The following INTS8 variants were observed in gnomAD, a reference collection of about 807,000 sequenced individuals.
INTS8 encodes protein kaonashi-1.
Under a neutral mutation model 138.9 loss-of-function variants are expected in INTS8, and 47 were observed. That is an observed-to-expected ratio of 0.34 (90% CI 0.27 to 0.43). INTS8 has a LOEUF of 0.43. Ranked by LOEUF, INTS8 falls within the 20% of genes least tolerant of loss-of-function variation. The probability of loss-of-function intolerance (pLI) is 1.00; values close to 1 mark genes in which losing one functional copy is unlikely to be tolerated. For synonymous variants in INTS8, 392 were observed against 400.9 expected, an observed-to-expected ratio of 0.98 and a Z score of 0.27; for missense variants, 996 against 1,173.0, an observed-to-expected ratio of 0.85 and a Z score of 2.20.
At chr8:94,864,044 G>A (rs1190147080) in intron 16 of INTS8, among the ~76,000 whole-genome samples, 2 of 152,306 alleles carry the variant, frequency 1.3e-5, no homozygotes, top group Admixed American at 6.5e-5. Context: ...GAAGATGTAT[G>A]TGGAAGTATT....
At chr8:94,824,113 A>G (rs900446568) in intron 1 of INTS8, among the ~76,000 whole-genome samples, 1 of 152,246 alleles carries the variant, frequency 6.6e-6, no homozygotes, top group Non-Finnish European at 1.5e-5. Flanking sequence ...ATGGCTTTGT[A>G]TAGTGATGAT....
intron 20 of INTS8, among the ~76,000 whole-genome samples, chr8:94,869,058 C>G (rs1816290453): frequency 1.3e-5 from 2 of 150,150 alleles, no homozygotes; most frequent in Non-Finnish European, 2.9e-5. Context: ...TCTCGGCTCT[C>G]CACAACCTCT....
chr8:94,869,977 T>G (rs1048128800), intron 20 of INTS8, among the ~76,000 whole-genome samples: 2 of 152,188 alleles, frequency 1.3e-5, no homozygotes, highest in Non-Finnish European at 2.9e-5. Flanking sequence ...AATAAGTTGG[T>G]TTCTGTGCCA....
In INTS8 at chr8:94,855,668, C is replaced by T. The variant is rs1482778250; in HGVS notation, c.1753-1109C>T. ...TTAAAGGTGTTAAATTGTCCAAGGG[C>T]ACACAGCTAGTAAGTGTCACAAGTG... On this transcript the variant is annotated intron_variant, in intron 14 of 26. Coordinates refer to ENST00000523731, the MANE Select transcript of INTS8 (RefSeq NM_017864.4). Among the ~76,000 whole-genome samples the T allele has an allele frequency of 2.0e-5, 3 of 152,240 alleles. 1 individual carries two copies. Among genetic ancestry groups the T allele is most frequent in the African/African-American group, 7.2e-5 (3 of 41,532 alleles).
chr8:94,846,727 G>A (rs967959151), intron 10 of INTS8, among the ~76,000 whole-genome samples: 4 of 152,168 alleles, frequency 2.6e-5, no homozygotes, highest in African/African-American at 9.7e-5. Context: ...GGTTTTTCTT[G>A]TTGCTATTCC....
chr8:94,853,908 C>T lies in INTS8; in HGVS notation c.1745C>T (p.Thr582Ile). ...ILMAKGLHCS[T>I]VKDFSHAKQL... is the part of the protein sequence containing the mutation. ...ATGGCCAAAGGTTTGCACTGCAGTA[C>T]TGTTAAGGTGAGTAAAAGTGTGTAT... The change falls in exon 14 of 27, where the codon ACT becomes ATT. Residue 582 changes from threonine (T) to isoleucine (I), a missense_variant. By Grantham distance (89) the Thr-to-Ile change is moderately conservative. Coordinates refer to ENST00000523731, the MANE Select transcript of INTS8 (RefSeq NM_017864.4). The T allele has an allele frequency of 1.3e-6, 2 of 1,562,854 alleles. No individual in the cohort carries two copies. Among genetic ancestry groups the T allele is most frequent in the East Asian group, 4.5e-5 (2 of 44,632 alleles).
chr8:94,857,191 G>T (rs912755409), intron 15 of INTS8, among the ~76,000 whole-genome samples: 3 of 150,456 alleles, frequency 2.0e-5, no homozygotes, highest in Admixed American at 6.7e-5. Flanking sequence ...TCCTGCCTCA[G>T]CCTCCTCAGT....
At chr8:94,825,982 C>T (rs1362733236) in intron 2 of INTS8, among the ~76,000 whole-genome samples, 2 of 151,878 alleles carry the variant, frequency 1.3e-5, no homozygotes, top group African/African-American at 4.8e-5. Context: ...GAGAGAATTC[C>T]GTTGTATGGG....
chr8:94,873,899 C>G (rs1376072473), intron 22 of INTS8: 1 of 159,096 alleles, frequency 6.3e-6, no homozygotes, highest in Non-Finnish European at 1.4e-5. Flanking sequence ...CCAGTTAGCT[C>G]TCACATCTTG....
intron 6 of INTS8, among the ~76,000 whole-genome samples, chr8:94,832,396 T>A (rs1301315090): frequency 1.3e-5 from 2 of 152,212 alleles, no homozygotes; most frequent in African/African-American, 4.8e-5. Context: ...AGTTTCCGGA[T>A]TGTATTTAGG....
Position 94,851,585 on chromosome 8 carries a change from C to A in INTS8, c.1540C>A (p.His514Asn). ...AAGTGTCAACATTGGTCAGTTAGAG[C>A]ATCAACTTATATTGTCAGTGGATCC... ...SASVNIGQLE[H>N]QLILSVDPWR... The change falls in exon 13 of 27, where the codon CAT (histidine) becomes AAT (asparagine). Residue 514 changes from histidine (H) to asparagine (N), a missense_variant. By Grantham distance (68) the His-to-Asn change is moderately conservative. Transcript: ENST00000523731. The A allele has an allele frequency of 6.3e-7, 1 of 1,593,816 alleles. No homozygotes were observed. Among genetic ancestry groups the A allele is most frequent in the Non-Finnish European group, 8.5e-7 (1 of 1,172,230 alleles).
rs931150349 is a variant in INTS8, at chr8:94,823,424, G to C, written c.-8G>C. On this transcript the variant is annotated 5_prime_UTR_variant, in exon 1 of 27. Transcript: ENST00000523731. Reference sequence around the variant, plus strand: ...AGCGGCCCTGGTGGTAGCGGCGGCGGGGGCAGGATGAGCGCGGAGGCGGCG... The same window carrying C: ...AGCGGCCCTGGTGGTAGCGGCGGCGCGGGCAGGATGAGCGCGGAGGCGGCG... The C allele has an allele frequency of 6.6e-7, 1 of 1,520,324 alleles. No homozygotes were observed. Among genetic ancestry groups the C allele is most frequent in the African/African-American group, 1.4e-5 (1 of 72,092 alleles). 94.2% of individuals were successfully genotyped at this position (1,520,324 alleles called of 1,614,324 possible).
At position 94,866,222 on chromosome 8, in the gene INTS8, T is replaced by C. The variant is rs377511670; in HGVS notation, c.2295+31T>C. 4 of 1,122,320 alleles carry C rather than the reference T, an allele frequency of 3.6e-6. No individual in the cohort carries two copies. In the African/African-American group the frequency reaches 6.2e-5, roughly 17 times the overall value. The allele number at this position is 1,122,320 out of a possible 1,614,324, so 69.5% of individuals were successfully genotyped here. A position where few individuals can be genotyped will look rare whatever the true frequency, so the allele number is the denominator to read the frequency against. On this transcript the variant is annotated intron_variant, in intron 18 of 26. Coordinates refer to ENST00000523731, the MANE Select transcript of INTS8 (RefSeq NM_017864.4). ...TTTTATTAAAAATTGCTCTAATTAC[T>C]ATTGCTGGTTTTTGTAGAATATGAC...
chr8:94,858,285 G>A (rs1473368667), intron 15 of INTS8, among the ~76,000 whole-genome samples: 2 of 152,188 alleles, frequency 1.3e-5, no homozygotes, highest in Non-Finnish European at 2.9e-5. Context: ...AGTCCTATGG[G>A]TTAATTTAAT....
At position 94,867,504 on chromosome 8, in the gene INTS8, GTGGATA is replaced by G. The variant is rs1212052210; in HGVS notation, c.2414+168_2414+173del. 1.6e-5 allele frequency: 8 copies of G among 506,736 alleles called. No individual in the cohort carries two copies. In the African/African-American group the frequency reaches 1.7e-4, roughly 10 times the overall value. The allele number at this position is 506,736 out of a possible 1,614,324, so 31.4% of individuals were successfully genotyped here. ...AATGATAATTATCTTCCTGTAAATT[GTGGATA>G]AGGCATAACCCTTTTTTTTTTTTTT... On this transcript the variant is annotated intron_variant, in intron 20 of 26. Coordinates refer to ENST00000523731, the MANE Select transcript of INTS8 (RefSeq NM_017864.4).
rs767223563 is a variant in INTS8 at position 94,849,464 on chromosome 8, A to G, written c.1263A>G (p.Val421=). The G allele has an allele frequency of 3.4e-6, 5 of 1,479,830 alleles. No homozygotes were observed. Among genetic ancestry groups the G allele is most frequent in the Admixed American group, 4.0e-5 (2 of 50,158 alleles). The allele number at this position is 1,479,830 out of a possible 1,614,324, so 91.7% of individuals were successfully genotyped here. ...ATGAAAATTACTCAAATTCCTAGGTATGTTCAAGATCAGTAAATTTAGAAA... is the reference window on the plus strand; with the variant it reads ...ATGAAAATTACTCAAATTCCTAGGTGTGTTCAAGATCAGTAAATTTAGAAA... ...NKEKIDFLLE[V]CSRSVNLEKA... Residue 421 remains valine (V), a splice_region_variant and synonymous_variant, in exon 11 of 27, where the codon GTA becomes GTG. Transcript: ENST00000523731.
At position 94,853,672 on chromosome 8, in the gene INTS8, A is replaced by G. The variant is rs1815635374; in HGVS notation, c.1642-133A>G. 1.3e-5 allele frequency: 7 copies of G among 547,306 alleles called. No homozygotes were observed. The East Asian group carries it at 1.8e-4, about 14-fold the overall frequency. 33.9% of individuals were successfully genotyped at this position (547,306 alleles called of 1,614,324 possible). A position where few individuals can be genotyped will look rare whatever the true frequency, so the allele number is the denominator to read the frequency against. On this transcript the variant is annotated intron_variant, in intron 13 of 26. Coordinates refer to ENST00000523731, the MANE Select transcript of INTS8 (RefSeq NM_017864.4). The stretch of plus-strand genomic sequence containing the variant: ...TCGTTAGTGTTATATTATGGCTGTC[A>G]TTTTCCTTTCTCTTTAAGAGACGAC...
intron 17 of INTS8, 53 bp from the exon 18 acceptor site, chr8:94,866,105 T>A: frequency 1.3e-6 from 1 of 771,778 alleles, no homozygotes; most frequent in East Asian, 2.7e-5. Context: ...CTTTCTTGAT[T>A]TTATTTTTTA....
At chr8:94,864,474 G>A (rs900430837) in intron 16 of INTS8, among the ~76,000 whole-genome samples, 2 of 152,150 alleles carry the variant, frequency 1.3e-5, no homozygotes, top group African/African-American at 2.4e-5. Context: ...TTGGGAGGCC[G>A]AGGCGGATAG....
Sources: allele counts gnomAD v4.1 joint callset (sites outside exome capture counted in the v4.1 genomes callset), GRCh38; gene constraint gnomAD v4.1.1; transcripts MANE v1.5; gene names NCBI Gene and HGNC (gene_info 2026-07-23, HGNC 2026-07-21).